The following PDE8B variants were observed in gnomAD, a reference collection of about 807,000 sequenced individuals.
The protein encoded by PDE8B is phosphodiesterase 8B.
PDE8B carries 26 observed loss-of-function variants against 101.3 expected under a neutral mutation model. The ratio of observed to expected loss-of-function variants is 0.26; its 90% CI spans 0.19 to 0.36. PDE8B has a LOEUF of 0.36. Ranked by LOEUF, PDE8B falls within the 10% of genes least tolerant of loss-of-function variation. The pLI is 1.00. For synonymous variants in PDE8B, 424 were observed against 429.3 expected (o/e 0.99, Z 0.15); for missense variants, 810 against 1,163.1 (o/e 0.70, Z 4.42).
At chr5:77,122,993 G>A in the PDE8B span, among the ~76,000 whole-genome samples, 13 of 152,152 alleles carry the variant, frequency 8.5e-5, no homozygotes, top group Non-Finnish European at 1.9e-4. Context: ...TGTTGTCATT[G>A]AATTGAACAG....
chr5:77,409,375 A>T (rs1194076013), intron 14 of PDE8B, among the ~76,000 whole-genome samples: 1 of 152,174 alleles, frequency 6.6e-6, no homozygotes, highest in Non-Finnish European at 1.5e-5. Flanking sequence ...GCTCTTGATT[A>T]TTCCTGCTTT....
the PDE8B span, among the ~76,000 whole-genome samples, chr5:77,176,183 C>T: frequency 3.3e-5 from 5 of 152,164 alleles, no homozygotes; most frequent in Non-Finnish European, 4.4e-5. Flanking sequence ...CCACCAGCCA[C>T]GCGAAAGCCA....
chr5:77,370,787 G>A (rs916219429), intron 10 of PDE8B, among the ~76,000 whole-genome samples: 1 of 152,158 alleles, frequency 6.6e-6, no homozygotes, highest in Non-Finnish European at 1.5e-5. Flanking sequence ...AATGTATGAG[G>A]GATTCAGTTG....
the PDE8B span, among the ~76,000 whole-genome samples, chr5:77,115,877 G>T: frequency 1.3e-5 from 2 of 152,128 alleles, no homozygotes; most frequent in Non-Finnish European, 2.9e-5. Context: ...AGAACTTAAT[G>T]ATTCCATAAT....
intron 10 of PDE8B, among the ~76,000 whole-genome samples, chr5:77,381,926 T>C (rs977281088): frequency 1.3e-5 from 2 of 152,228 alleles, no homozygotes; most frequent in African/African-American, 2.4e-5. Context: ...GTGTATTATC[T>C]TATGCCCAGG....
chr5:77,254,633 G>A (rs1460242469), intron 1 of PDE8B, among the ~76,000 whole-genome samples: 1 of 151,774 alleles, frequency 6.6e-6, no homozygotes, highest in African/African-American at 2.4e-5. Context: ...TCGATTTTGT[G>A]AAATACAGTT....
intron 1 of PDE8B, among the ~76,000 whole-genome samples, chr5:77,241,175 C>T (rs1024683028): frequency 6.6e-6 from 1 of 152,202 alleles, no homozygotes; most frequent in African/African-American, 2.4e-5. Context: ...GGTTGATACA[C>T]TTACTGTCAG....
At chr5:77,340,605 G>GTGTGTA (rs1779053402) in intron 6 of PDE8B, among the ~76,000 whole-genome samples, 1 of 118,068 alleles carries the variant, frequency 8.5e-6, no homozygotes, top group South Asian at 2.4e-4. Flanking sequence ...CTCACAGTGT[G>GTGTGTA]TGTGTGTGTG....
chr5:77,279,417 T>A (rs56164101), intron 1 of PDE8B, among the ~76,000 whole-genome samples: 7,377 of 152,274 alleles, frequency 0.048, 526 homozygotes, highest in African/African-American at 0.16. Context: ...CTTCCAGTTG[T>A]CATCTGTGTG....
chr5:77,235,307 A>G (rs1024126601), intron 1 of PDE8B, among the ~76,000 whole-genome samples: 8 of 152,244 alleles, frequency 5.3e-5, no homozygotes, highest in East Asian at 1.9e-4. Context: ...CACCTTTAGT[A>G]TATTATTCAA....
At chr5:77,150,938 G>T in the PDE8B span, among the ~76,000 whole-genome samples, 12 of 152,340 alleles carry the variant, frequency 7.9e-5, no homozygotes, top group African/African-American at 2.9e-4. Flanking sequence ...GTGTCTTGCT[G>T]CTGTGTGTTT....
intron 1 of PDE8B, among the ~76,000 whole-genome samples, chr5:77,212,286 A>T (rs1260234683): frequency 1.3e-5 from 2 of 152,330 alleles, no homozygotes; most frequent in Non-Finnish European, 2.9e-5. Context: ...TCAATAGGTT[A>T]CCAAGAACCA....
chr5:77,386,982 C>T (rs1168442792), intron 10 of PDE8B, among the ~76,000 whole-genome samples: 1 of 141,546 alleles, frequency 7.1e-6, no homozygotes, highest in South Asian at 2.4e-4. Context: ...TTCCCGGGTT[C>T]ACGCCATTCT....
intron 1 of PDE8B, among the ~76,000 whole-genome samples, chr5:77,293,439 A>AT (rs906725073): frequency 2.0e-5 from 3 of 152,162 alleles, no homozygotes; most frequent in African/African-American, 7.2e-5. Context: ...GAGACTTAGC[A>AT]TTTTTTTAGT....
intron 1 of PDE8B, among the ~76,000 whole-genome samples, chr5:77,292,082 C>A (rs1767491835): frequency 6.6e-6 from 1 of 150,776 alleles, no homozygotes; most frequent in South Asian, 2.1e-4. Context: ...TGCTAAGGAG[C>A]AAAGTAATCT....
intron 5 of PDE8B, among the ~76,000 whole-genome samples, chr5:77,332,853 A>G (rs916821297): frequency 6.6e-6 from 1 of 150,750 alleles, no homozygotes; most frequent in South Asian, 2.1e-4. Context: ...AAAAAAAAAA[A>G]AGAGTAATCT....
chr5:77,311,097 G>T (rs1024697438), intron 1 of PDE8B, among the ~76,000 whole-genome samples: 1 of 152,040 alleles, frequency 6.6e-6, no homozygotes, highest in African/African-American at 2.4e-5. Flanking sequence ...CCAGTACAGA[G>T]TGTGGAATGC....
chr5:77,333,329 T>C (rs943080009), intron 5 of PDE8B, among the ~76,000 whole-genome samples: 1 of 152,214 alleles, frequency 6.6e-6, no homozygotes, highest in Non-Finnish European at 1.5e-5. Context: ...AAAGAAGCCA[T>C]GTGGTTGAGA....
intron 1 of PDE8B, among the ~76,000 whole-genome samples, chr5:77,299,346 T>C (rs1769365173): frequency 6.6e-6 from 1 of 151,730 alleles, no homozygotes; most frequent in African/African-American, 2.4e-5. Context: ...TACGTATACA[T>C]GTGCCATGTT....
Sources: allele counts gnomAD v4.1 joint callset (sites outside exome capture counted in the v4.1 genomes callset), GRCh38; gene constraint gnomAD v4.1.1; transcripts MANE v1.5; gene names NCBI Gene and HGNC (gene_info 2026-07-23, HGNC 2026-07-21).